The following QRFPR variants were observed in gnomAD, a reference collection of about 807,000 sequenced individuals.
The protein encoded by QRFPR is pyroglutamylated RFamide peptide receptor.
In QRFPR, 37 loss-of-function variants were observed where a neutral mutation model predicts 31.3. That is an observed-to-expected ratio of 1.18 (90% CI 0.91 to 1.56). QRFPR has a LOEUF of 1.56. Among genes scored for constraint, QRFPR ranks in the 40% most tolerant of loss-of-function variants. The pLI is 0.00. For synonymous variants in QRFPR, 197 were observed against 192.0 expected (o/e 1.03, Z -0.22); for missense variants, 542 against 532.5 (o/e 1.02, Z -0.18).
chr4:121,369,960 A>T (rs929375856), intron 1 of QRFPR: 1 of 764,954 alleles, frequency 1.3e-6, no homozygotes, highest in Non-Finnish European at 2.4e-6. Flanking sequence ...TGTAGCCAGG[A>T]TCTCTCAGCC....
chr4:121,341,129 A>C (rs1725536671), intron 1 of QRFPR, among the ~76,000 whole-genome samples: 1 of 152,222 alleles, frequency 6.6e-6, no homozygotes, highest in African/African-American at 2.4e-5. Flanking sequence ...ACTTTCTCTA[A>C]TGCAACGGTC....
intron 1 of QRFPR, among the ~76,000 whole-genome samples, chr4:121,373,983 T>G (rs1726301736): frequency 6.6e-6 from 1 of 152,194 alleles, no homozygotes; most frequent in African/African-American, 2.4e-5. Context: ...CTTCGCCTAC[T>G]ACCATTCTGT....
chr4:121,369,320 T>C (rs995595934), intron 1 of QRFPR: 3 of 554,588 alleles, frequency 5.4e-6, no homozygotes, highest in Non-Finnish European at 6.4e-6. Context: ...TGAGCCACTG[T>C]GCCCAGCTGA....
intron 4 of QRFPR, among the ~76,000 whole-genome samples, chr4:121,331,650 A>G (rs563158772): frequency 1.7e-4 from 25 of 147,006 alleles, no homozygotes; most frequent in Non-Finnish European, 3.0e-4. Context: ...TATTATTATT[A>G]TTATTATTGT....
chr4:121,369,813 T>A (rs1292790069), intron 1 of QRFPR: 2 of 1,360,506 alleles, frequency 1.5e-6, no homozygotes, highest in East Asian at 4.6e-5. Flanking sequence ...AAGTGAGAAG[T>A]GGTGCTTGGG....
intron 1 of QRFPR, among the ~76,000 whole-genome samples, chr4:121,368,080 T>C (rs571984515): frequency 1.9e-4 from 29 of 149,892 alleles, no homozygotes; most frequent in African/African-American, 7.1e-4. Context: ...AAAACTGAAC[T>C]TGTACACAGT....
intron 1 of QRFPR, among the ~76,000 whole-genome samples, chr4:121,350,487 T>C (rs924202533): frequency 6.6e-6 from 1 of 152,202 alleles, no homozygotes; most frequent in Non-Finnish European, 1.5e-5. Context: ...CATCAATATC[T>C]TTTTCAATCT....
Position 121,375,174 on chromosome 4 carries a change from A to G in QRFPR, c.340+5134T>C, listed in dbSNP as rs149496219. Among the ~76,000 whole-genome samples, 21 of 152,236 alleles carry G rather than the reference A, an allele frequency of 1.4e-4. 1 individual carries two copies. The East Asian group carries it at 3.9e-3, about 28-fold the overall frequency. ...GGAAGTGTTCAGAATTAACATTCCT[A>G]TGCCTTAAGTTTTCATTTACCTCAG... On this transcript the variant is annotated intron_variant, in intron 1 of 5. Coordinates refer to ENST00000394427, the MANE Select transcript of QRFPR (RefSeq NM_198179.3).
At chr4:121,379,854 T>A (rs550198442) in intron 1 of QRFPR, among the ~76,000 whole-genome samples, 1 of 152,270 alleles carries the variant, frequency 6.6e-6, no homozygotes, top group South Asian at 2.1e-4. Context: ...GGAAATGAGA[T>A]TTTTAACTTT....
rs1249360872 is a variant in QRFPR at position 121,328,902 on chromosome 4, C to T, written c.*412G>A. Among the ~76,000 whole-genome samples the T allele has an allele frequency of 2.0e-5, 3 of 152,136 alleles. No individual in the cohort carries two copies. The highest frequency in any genetic ancestry group is 1.3e-4 in the Admixed American group (2 of 15,280). ...TCCCAAGTAGCTGGGACTACAGGTGCCCGCCACCACGCCCGGCTAATTTTT... is the reference window on the plus strand; with the variant it reads ...TCCCAAGTAGCTGGGACTACAGGTGTCCGCCACCACGCCCGGCTAATTTTT... On this transcript the variant is annotated 3_prime_UTR_variant, in exon 6 of 6. Coordinates refer to ENST00000394427, the MANE Select transcript of QRFPR (RefSeq NM_198179.3).
intron 1 of QRFPR, among the ~76,000 whole-genome samples, chr4:121,354,797 T>C (rs1449908603): frequency 2.6e-5 from 4 of 152,038 alleles, no homozygotes; most frequent in Non-Finnish European, 5.9e-5. Context: ...TTGGTATCTA[T>C]GAAAAAATTT....
chr4:121,360,145 ACAGT>A (rs914368064), intron 1 of QRFPR, among the ~76,000 whole-genome samples: 4 of 152,190 alleles, frequency 2.6e-5, no homozygotes, highest in Non-Finnish European at 4.4e-5. Flanking sequence ...AGTAACAAAA[ACAGT>A]CAGAGAGCTA....
chr4:121,344,598 C>T (rs1725609019), intron 1 of QRFPR, among the ~76,000 whole-genome samples: 1 of 152,078 alleles, frequency 6.6e-6, no homozygotes, highest in Admixed American at 6.6e-5. Flanking sequence ...GGTACATGCT[C>T]TTTTGCTATC....
chr4:121,347,023 T>A (rs1446904240), intron 1 of QRFPR, among the ~76,000 whole-genome samples: 1 of 152,192 alleles, frequency 6.6e-6, no homozygotes, highest in Non-Finnish European at 1.5e-5. Flanking sequence ...AGTGTCAGGG[T>A]AATGAAGGCC....
chr4:121,371,116 CCTT>C (rs1173805969), intron 1 of QRFPR, among the ~76,000 whole-genome samples: 2 of 152,178 alleles, frequency 1.3e-5, no homozygotes, highest in Non-Finnish European at 2.9e-5. Flanking sequence ...GTTTCTCTAT[CCTT>C]CTATTTCTCC....
chr4:121,376,492 T>C (rs1204379644), intron 1 of QRFPR, among the ~76,000 whole-genome samples: 1 of 152,140 alleles, frequency 6.6e-6, no homozygotes, highest in East Asian at 1.9e-4. Flanking sequence ...GAAAACTCAA[T>C]GTCTTTGCTC....
At chr4:121,367,340 C>T (rs533168297) in intron 1 of QRFPR, among the ~76,000 whole-genome samples, 3 of 150,042 alleles carry the variant, frequency 2.0e-5, no homozygotes, top group Admixed American at 6.6e-5. Flanking sequence ...CCACTTTATC[C>T]TCCTCTAGAG....
At chr4:121,370,002 C>A (rs1252144537) in intron 1 of QRFPR, 2 of 767,480 alleles carry the variant, frequency 2.6e-6, no homozygotes, top group Admixed American at 1.7e-5. Flanking sequence ...GAAAGCTTTC[C>A]TGGGTCTGTT....
chr4:121,363,812 T>C (rs1481610153), intron 1 of QRFPR, among the ~76,000 whole-genome samples: 2 of 150,100 alleles, frequency 1.3e-5, no homozygotes, highest in Admixed American at 6.6e-5. Context: ...TTGCTGAATA[T>C]TTCCCTGTAC....
Sources: gnomAD v4.1 joint callset for allele counts (sites outside exome capture counted in the v4.1 genomes callset) on GRCh38, gnomAD v4.1.1 for gene constraint, MANE v1.5 for transcripts, NCBI Gene and HGNC (gene_info 2026-07-23, HGNC 2026-07-21) for gene names.